The following EPHA3 variants were observed in gnomAD, a reference collection of about 807,000 sequenced individuals.
EPHA3 encodes ephrin type-A receptor 3.
A neutral mutation model predicts 107.1 loss-of-function variants in EPHA3; 42 were observed. The observed-to-expected ratio is 0.39, with a 90% CI of 0.31 to 0.51. EPHA3 has a LOEUF of 0.51. EPHA3 is among the 20% of genes least tolerant of loss of function. The pLI is 0.78. For synonymous variants in EPHA3, 461 were observed against 424.8 expected, an observed-to-expected ratio of 1.09 and a Z score of -1.05; for missense variants, 1,183 against 1,211.2, an observed-to-expected ratio of 0.98 and a Z score of 0.35.
At chr3:89,309,858 C>A (rs1418628252) in intron 3 of EPHA3, among the ~76,000 whole-genome samples, 1 of 151,710 alleles carries the variant, frequency 6.6e-6, no homozygotes, top group Non-Finnish European at 1.5e-5. Context: ...TCTCTTTTCA[C>A]AATAAAATGC....
chr3:89,277,904 TC>T (rs1357713593), intron 3 of EPHA3, among the ~76,000 whole-genome samples: 1 of 152,166 alleles, frequency 6.6e-6, no homozygotes, highest in Non-Finnish European at 1.5e-5. Context: ...GAATATAATT[TC>T]AATGGGGTGT....
chr3:89,372,059 T>C (rs540686814), intron 5 of EPHA3, among the ~76,000 whole-genome samples: 1 of 151,604 alleles, frequency 6.6e-6, no homozygotes, highest in Admixed American at 6.6e-5. Context: ...AAAAAAAATG[T>C]CACCACAAGT....
At chr3:89,459,971 T>A (rs1710188678) in intron 15 of EPHA3, among the ~76,000 whole-genome samples, 1 of 152,240 alleles carries the variant, frequency 6.6e-6, no homozygotes, top group Non-Finnish European at 1.5e-5. Context: ...TTTAAAAACA[T>A]ATTTTGAAAG....
intron 1 of EPHA3, among the ~76,000 whole-genome samples, chr3:89,111,812 G>T (rs1463730011): frequency 6.6e-6 from 1 of 151,940 alleles, no homozygotes; most frequent in Non-Finnish European, 1.5e-5. Flanking sequence ...GGTTCACTCG[G>T]ATACCTCAAT....
At chr3:89,381,072 C>T (rs984981261) in intron 5 of EPHA3, among the ~76,000 whole-genome samples, 2 of 151,934 alleles carry the variant, frequency 1.3e-5, no homozygotes, top group African/African-American at 4.8e-5. Context: ...TCCTGGTTTC[C>T]CGCCATTCTC....
chr3:89,323,189 CA>C (rs1450659375), intron 3 of EPHA3, among the ~76,000 whole-genome samples: 1 of 152,008 alleles, frequency 6.6e-6, no homozygotes, highest in Non-Finnish European at 1.5e-5. Context: ...TGTTTATACA[CA>C]ATATGTAAGC....
intron 2 of EPHA3, among the ~76,000 whole-genome samples, chr3:89,163,338 T>A (rs1704991110): frequency 6.6e-6 from 1 of 152,178 alleles, no homozygotes; most frequent in Non-Finnish European, 1.5e-5. Flanking sequence ...CTTGATTAAC[T>A]TTTAGTTTGA....
chr3:89,151,920 C>T (rs1172732629), intron 2 of EPHA3, among the ~76,000 whole-genome samples: 1 of 151,972 alleles, frequency 6.6e-6, no homozygotes, highest in East Asian at 1.9e-4. Context: ...ATCCACTTAC[C>T]TTTACTCTTA....
chr3:89,145,444 G>A (rs1274432486), intron 2 of EPHA3, among the ~76,000 whole-genome samples: 12 of 151,570 alleles, frequency 7.9e-5, no homozygotes, highest in Non-Finnish European at 3.0e-5. Flanking sequence ...TATTATTTGA[G>A]CTAAATCAAT....
intron 15 of EPHA3, among the ~76,000 whole-genome samples, chr3:89,460,838 T>TTTTA (rs1710219431): frequency 7.3e-6 from 1 of 137,138 alleles, no homozygotes; most frequent in African/African-American, 2.8e-5. Flanking sequence ...TTTTTTTTTT[T>TTTTA]ATTATACTCT....
At chr3:89,264,058 C>A (rs1705482238) in intron 3 of EPHA3, among the ~76,000 whole-genome samples, 1 of 152,128 alleles carries the variant, frequency 6.6e-6, no homozygotes, top group Non-Finnish European at 1.5e-5. Flanking sequence ...TTAACCCATT[C>A]ACGCATCAAC....
chr3:89,476,518 TTA>T (rs142801608), intron 16 of EPHA3, among the ~76,000 whole-genome samples: 27,427 of 146,788 alleles, frequency 0.19, 3,108 homozygotes, highest in Non-Finnish European at 0.25. Flanking sequence ...TATATAAATA[TTA>T]TATATATATA....
At chr3:89,236,786 T>A (rs1047147965) in intron 3 of EPHA3, among the ~76,000 whole-genome samples, 1 of 152,170 alleles carries the variant, frequency 6.6e-6, no homozygotes, top group African/African-American at 2.4e-5. Flanking sequence ...TTTTTTTAAA[T>A]AAAATTAAAG....
At chr3:89,193,879 C>A (rs1328771370) in intron 2 of EPHA3, among the ~76,000 whole-genome samples, 1 of 151,912 alleles carries the variant, frequency 6.6e-6, no homozygotes, top group East Asian at 1.9e-4. Context: ...TTTCTGAGCT[C>A]AAAATTTATA....
At chr3:89,159,033 A>C (rs907123877) in intron 2 of EPHA3, among the ~76,000 whole-genome samples, 4 of 152,126 alleles carry the variant, frequency 2.6e-5, no homozygotes, top group African/African-American at 9.7e-5. Flanking sequence ...CATTTCCTTA[A>C]GCATATGTGC....
At chr3:89,117,431 A>G (rs886065065) in intron 1 of EPHA3, among the ~76,000 whole-genome samples, 7 of 152,074 alleles carry the variant, frequency 4.6e-5, no homozygotes, top group Non-Finnish European at 1.0e-4. Flanking sequence ...AATTAATAAA[A>G]CTGTATAGCT....
rs1296090679 is a variant in EPHA3, at chr3:89,479,737, A to C, written c.*235A>C. 10 of 445,536 alleles carry C rather than the reference A, an allele frequency of 2.2e-5. No homozygotes were observed. The highest frequency in any genetic ancestry group is 3.6e-5 in the Non-Finnish European group (9 of 248,762). The allele number at this position is 445,536 out of a possible 1,614,324, so 27.6% of individuals were successfully genotyped here. On this transcript the variant is annotated 3_prime_UTR_variant, in exon 17 of 17. Coordinates refer to ENST00000336596, the MANE Select transcript of EPHA3 (RefSeq NM_005233.6). Reference sequence around the variant, plus strand: ...TAATTGCTTTTTTAAATATTAGTTAATGGATTAAATTTAATTCTTCAGCGT... The same window carrying C: ...TAATTGCTTTTTTAAATATTAGTTACTGGATTAAATTTAATTCTTCAGCGT...
intron 5 of EPHA3, among the ~76,000 whole-genome samples, chr3:89,389,077 G>GA (rs1708676654): frequency 1.3e-5 from 2 of 152,220 alleles, no homozygotes; most frequent in South Asian, 4.1e-4. Flanking sequence ...TTATTGGTGA[G>GA]AAAAAATATA....
At chr3:89,109,552 A>C (rs1294144648) in intron 1 of EPHA3, among the ~76,000 whole-genome samples, 1 of 151,978 alleles carries the variant, frequency 6.6e-6, no homozygotes, top group East Asian at 1.9e-4. Flanking sequence ...GCTGTTAGTC[A>C]GTATTTTTGT....
Sources: gnomAD v4.1 joint callset for allele counts (sites outside exome capture counted in the v4.1 genomes callset) on GRCh38, gnomAD v4.1.1 for gene constraint, MANE v1.5 for transcripts, NCBI Gene and HGNC (gene_info 2026-07-23, HGNC 2026-07-21) for gene names.